Variants in BACE2 observed in about 807,000 individuals in gnomAD.
BACE2 encodes the protein beta-secretase 2.
BACE2 carries 17 observed loss-of-function variants against 46.2 expected under a neutral mutation model. The observed-to-expected ratio is 0.37, with a 90% CI of 0.25 to 0.55. The LOEUF (loss-of-function observed/expected upper bound fraction) is 0.55, where lower values mean the gene tolerates loss of function less well. Ranked by LOEUF, BACE2 falls within the 20% of genes least tolerant of loss-of-function variation. The pLI, the probability that BACE2 is intolerant of heterozygous loss-of-function variation, is 0.82. For missense variants in BACE2, 595 were observed against 698.1 expected (o/e 0.85, Z 1.66); for synonymous variants, 277 against 295.9 (o/e 0.94, Z 0.66).
intron 2 of BACE2, among the ~76,000 whole-genome samples, chr21:41,230,796 G>A (rs561713483): frequency 9.2e-5 from 14 of 152,194 alleles, no homozygotes; most frequent in African/African-American, 2.6e-4. Flanking sequence ...TTTCATGGTG[G>A]TGAATGTTCC....
chr21:41,243,710 C>T (rs1043484986), intron 5 of BACE2, among the ~76,000 whole-genome samples, 200 bp downstream of exon 5: 1 of 152,134 alleles, frequency 6.6e-6, no homozygotes, highest in Non-Finnish European at 1.5e-5. Context: ...AATATTGCAT[C>T]CTCCCAACCA....
In BACE2 at chr21:41,276,657, C is replaced by T. The variant is rs993202396; in HGVS notation, c.*1033C>T. On this transcript the variant is annotated 3_prime_UTR_variant, in exon 9 of 9. Transcript: ENST00000330333. Reference sequence around the variant, plus strand: ...TCTCTGGAAGTAGGTTGGCTATTACCCTGTTGGGAAACAGGGAAATGGCCT... The same window carrying T: ...TCTCTGGAAGTAGGTTGGCTATTACTCTGTTGGGAAACAGGGAAATGGCCT... The T allele has an allele frequency of 1.3e-5, 2 of 152,178 alleles. No homozygotes were observed. Among genetic ancestry groups the T allele is most frequent in the African/African-American group, 4.8e-5 (2 of 41,432 alleles). 9.4% of individuals were successfully genotyped at this position (152,178 alleles called of 1,614,324 possible). A position where few individuals can be genotyped will look rare whatever the true frequency, so the allele number is the denominator to read the frequency against.
chr21:41,226,481 T>C, intron 2 of BACE2, 127 bp downstream of exon 2: 1 of 764,534 alleles, frequency 1.3e-6, no homozygotes, highest in South Asian at 1.7e-5. Context: ...TATGTATGTG[T>C]ATGTATACAC....
intron 8 of BACE2, among the ~76,000 whole-genome samples, chr21:41,273,169 C>T (rs1285511533): frequency 2.0e-5 from 3 of 152,118 alleles, no homozygotes; most frequent in African/African-American, 7.2e-5. Context: ...TATTACAAGG[C>T]AAATGGAGGC....
intron 1 of BACE2, among the ~76,000 whole-genome samples, chr21:41,188,567 C>G (rs1003687086): frequency 1.3e-5 from 2 of 152,016 alleles, no homozygotes; most frequent in Admixed American, 6.5e-5. Flanking sequence ...ATCACCCCCC[C>G]AGACCCAGGG....
chr21:41,181,880 G>T (rs1318584037), intron 1 of BACE2: 1 of 167,002 alleles, frequency 6.0e-6, no homozygotes, highest in African/African-American at 2.4e-5. Context: ...ATGATTCTAT[G>T]ATGCTATAAT....
intron 1 of BACE2, among the ~76,000 whole-genome samples, chr21:41,170,929 G>A (rs973396477): frequency 3.3e-5 from 5 of 152,104 alleles, no homozygotes; most frequent in African/African-American, 7.2e-5. Context: ...GGTCTTATAC[G>A]CATTTGGGGG....
intron 8 of BACE2, among the ~76,000 whole-genome samples, chr21:41,259,552 A>C (rs192012314): frequency 2.0e-5 from 3 of 152,122 alleles, no homozygotes; most frequent in Admixed American, 2.0e-4. Flanking sequence ...ATCTAGATTT[A>C]ATATTTTGTC....
In BACE2 at chr21:41,225,347, C is replaced by G. The variant is rs943392435; in HGVS notation, c.313-919C>G. On this transcript the variant is annotated intron_variant, in intron 1 of 8. Transcript: ENST00000330333. ...AAAGACCTGTACAGTGTGTCCATAG[C>G]TGTCTTATTCATAGTAGCCTCAAAA... 2.0e-5 allele frequency: 3 copies of G among 152,304 alleles called. No individual in the cohort carries two copies. The South Asian group carries it at 6.2e-4, about 32-fold the overall frequency. The allele number at this position is 152,304 out of a possible 1,614,324, so 9.4% of individuals were successfully genotyped here. A position where few individuals can be genotyped will look rare whatever the true frequency, so the allele number is the denominator to read the frequency against.
At chr21:41,226,034 T>C (rs1474570116) in intron 1 of BACE2, among the ~76,000 whole-genome samples, 1 of 152,212 alleles carries the variant, frequency 6.6e-6, no homozygotes, top group Non-Finnish European at 1.5e-5. Flanking sequence ...TAAGGCTCAG[T>C]GTGTATCTGA....
At chr21:41,254,275 TC>T (rs1987718316) in intron 7 of BACE2, among the ~76,000 whole-genome samples, 1 of 152,226 alleles carries the variant, frequency 6.6e-6, no homozygotes, top group Non-Finnish European at 1.5e-5. Flanking sequence ...TAAGGTTTCT[TC>T]ACAGCTTCTA....
chr21:41,172,884 T>A (rs1984654653), intron 1 of BACE2, among the ~76,000 whole-genome samples: 1 of 152,212 alleles, frequency 6.6e-6, no homozygotes, highest in South Asian at 2.1e-4. Context: ...ACACTGTCCC[T>A]CCGGAGGCTC....
At chr21:41,188,095 T>A (rs1234038721) in intron 1 of BACE2, among the ~76,000 whole-genome samples, 1 of 152,234 alleles carries the variant, frequency 6.6e-6, no homozygotes, top group Non-Finnish European at 1.5e-5. Flanking sequence ...GCAACTTCTA[T>A]GATCCCTCCT....
chr21:41,267,036 G>A (rs926688076), intron 8 of BACE2, among the ~76,000 whole-genome samples: 1 of 151,998 alleles, frequency 6.6e-6, no homozygotes, highest in Non-Finnish European at 1.5e-5. Context: ...GGGGTGGGGG[G>A]AGCAGTGAGT....
chr21:41,194,065 GCT>G (rs1289344049), intron 1 of BACE2, among the ~76,000 whole-genome samples: 1 of 152,156 alleles, frequency 6.6e-6, no homozygotes, highest in East Asian at 1.9e-4. Context: ...CTGTAAACTA[GCT>G]CAAGTCTGGA....
intron 8 of BACE2, among the ~76,000 whole-genome samples, chr21:41,273,465 G>A (rs2088454130): frequency 1.3e-5 from 2 of 152,146 alleles, no homozygotes; most frequent in African/African-American, 2.4e-5. Context: ...GGCTGTTCCT[G>A]CTGAGAAAAA....
intron 8 of BACE2, among the ~76,000 whole-genome samples, chr21:41,266,044 G>A (rs1421992900): frequency 6.6e-6 from 1 of 151,954 alleles, no homozygotes. Flanking sequence ...CCAAATTCTA[G>A]TAAATATTTG....
chr21:41,232,855 C>T (rs1987004125), intron 2 of BACE2, among the ~76,000 whole-genome samples: 1 of 151,412 alleles, frequency 6.6e-6, no homozygotes, highest in Non-Finnish European at 1.5e-5. Context: ...CAAACATGGC[C>T]TAACAGACTT....
intron 3 of BACE2, among the ~76,000 whole-genome samples, chr21:41,239,326 C>G (rs1987224906): frequency 6.6e-6 from 1 of 152,070 alleles, no homozygotes; most frequent in Non-Finnish European, 1.5e-5. Flanking sequence ...CTCAGGACTC[C>G]CCTGTGAGGC....
Sources: gnomAD v4.1 joint callset for allele counts (sites outside exome capture counted in the v4.1 genomes callset) on GRCh38, gnomAD v4.1.1 for gene constraint, MANE v1.5 for transcripts, NCBI Gene and HGNC (gene_info 2026-07-23, HGNC 2026-07-21) for gene names.